NLRP14: variants seen among roughly 807,000 people sequenced by gnomAD.
NLRP14 encodes NLR family pyrin domain containing 14, also known as NACHT, LRR and PYD domains-containing protein 14.
A neutral mutation model predicts 94.7 loss-of-function variants in NLRP14; 105 were observed. The observed-to-expected ratio is 1.11, with a 90% CI of 0.95 to 1.30. The LOEUF (loss-of-function observed/expected upper bound fraction) is 1.30. Ranked by LOEUF, NLRP14 falls within the 50% of genes most tolerant of loss-of-function variation. NLRP14 has a pLI of 0.00. For synonymous variants in NLRP14, 508 were observed against 459.9 expected (o/e 1.10, Z -1.34); for missense variants, 1,362 against 1,254.1 (o/e 1.09, Z -1.30).
intron 10 of NLRP14, among the ~76,000 whole-genome samples, chr11:7,064,384 G>A (rs1852674000): frequency 6.6e-6 from 1 of 152,120 alleles, no homozygotes; most frequent in Non-Finnish European, 1.5e-5. Flanking sequence ...GTCAGCTGCA[G>A]TTGCTGCTTA....
chr11:7,074,397 C>G (rs1298243824), downstream of NLRP14, among the ~76,000 whole-genome samples: 3 of 152,196 alleles, frequency 2.0e-5, no homozygotes, highest in Non-Finnish European at 4.4e-5. Context: ...TTATAACAAA[C>G]ACAGAAAAGA....
Position 7,057,817 on chromosome 11 carries a change from G to C in NLRP14, c.2432G>C (p.Arg811Thr), listed in dbSNP as rs751716305. Residue 811 changes from arginine (R) to threonine (T), a missense_variant, in exon 7 of 12, where the codon AGA (arginine) becomes ACA (threonine). By Grantham distance (71) the Arg-to-Thr change is moderately conservative. Transcript: ENST00000299481. ...DGVQLLCEAL[R>T]HPKCYLERLS... Reference sequence around the variant, plus strand: ...GTGCAGCTTTTGTGTGAGGCCTTAAGACATCCAAAGTGTTATCTAGAGAGA... The same window carrying C: ...GTGCAGCTTTTGTGTGAGGCCTTAACACATCCAAAGTGTTATCTAGAGAGA... 2 of 1,612,468 alleles carry C rather than the reference G, an allele frequency of 1.2e-6. No individual in the cohort carries two copies. Among genetic ancestry groups the C allele is most frequent in the Non-Finnish European group, 1.7e-6 (2 of 1,178,634 alleles).
intron 3 of NLRP14, among the ~76,000 whole-genome samples, chr11:7,041,332 C>T (rs1249727473): frequency 6.6e-6 from 1 of 151,942 alleles, no homozygotes; most frequent in Non-Finnish European, 1.5e-5. Context: ...CTCACTCTTC[C>T]CACTCCCCAT....
At chr11:7,080,357 C>G in the NLRP14 span, among the ~76,000 whole-genome samples, 1 of 152,156 alleles carries the variant, frequency 6.6e-6, no homozygotes, top group African/African-American at 2.4e-5. Flanking sequence ...CTACAGTAGT[C>G]TCCTAGCCAA....
At chr11:7,040,594 C>G (rs1162974616) in intron 3 of NLRP14, among the ~76,000 whole-genome samples, 3 of 152,132 alleles carry the variant, frequency 2.0e-5, no homozygotes, top group Non-Finnish European at 2.9e-5. Context: ...CATTTCCCCA[C>G]TTTGTTTTGA....
chr11:7,078,813 T>C, the NLRP14 span, among the ~76,000 whole-genome samples: 3 of 152,096 alleles, frequency 2.0e-5, no homozygotes, highest in South Asian at 6.2e-4. Flanking sequence ...TTAAATCTTT[T>C]AAAAACAAGG....
intron 10 of NLRP14, among the ~76,000 whole-genome samples, chr11:7,063,376 G>C (rs1852656022): frequency 1.3e-5 from 2 of 151,920 alleles, no homozygotes; most frequent in African/African-American, 4.8e-5. Context: ...AGTCTCACAG[G>C]GCTGATGAAG....
intron 1 of NLRP14, among the ~76,000 whole-genome samples, chr11:7,022,433 T>G (rs911124708): frequency 6.6e-6 from 1 of 152,228 alleles, no homozygotes; most frequent in Non-Finnish European, 1.5e-5. Context: ...TGACTGTGGC[T>G]TGAAGGCATA....
intron 1 of NLRP14, among the ~76,000 whole-genome samples, chr11:7,027,168 A>G (rs1852028240): frequency 6.6e-6 from 1 of 150,992 alleles, no homozygotes; most frequent in Non-Finnish European, 1.5e-5. Context: ...TTTTCCCTCT[A>G]TACTATATCC....
At chr11:7,056,665 T>A (rs1386740556) in intron 6 of NLRP14, among the ~76,000 whole-genome samples, 4 of 151,996 alleles carry the variant, frequency 2.6e-5, no homozygotes, top group Admixed American at 1.3e-4. Flanking sequence ...TGGGATATAT[T>A]TTCTTTCATT....
At chr11:7,022,925 G>A (rs533356978) in intron 1 of NLRP14, among the ~76,000 whole-genome samples, 1 of 152,110 alleles carries the variant, frequency 6.6e-6, no homozygotes, top group South Asian at 2.1e-4. Flanking sequence ...ACAGTGTTTC[G>A]TATACAATGT....
chr11:7,039,269 C>T (rs1003960248), intron 2 of NLRP14, among the ~76,000 whole-genome samples: 20 of 152,030 alleles, frequency 1.3e-4, no homozygotes, highest in South Asian at 2.1e-4. Context: ...TATTATTGGA[C>T]GTAATCCAAG....
intron 5 of NLRP14, among the ~76,000 whole-genome samples, chr11:7,047,329 T>C (rs1589864471): frequency 1.4e-5 from 2 of 140,556 alleles, no homozygotes; most frequent in Non-Finnish European, 1.6e-5. Context: ...TTTTTTTTTT[T>C]CCTGAGACAG....
intron 10 of NLRP14, among the ~76,000 whole-genome samples, chr11:7,064,484 C>T: frequency 6.6e-6 from 1 of 151,790 alleles, no homozygotes; most frequent in African/African-American, 2.4e-5. Flanking sequence ...TCACTCTCCA[C>T]ACCTCCAGGT....
At chr11:7,075,198 T>A (rs990593082), downstream of NLRP14, among the ~76,000 whole-genome samples, 3 of 152,212 alleles carry the variant, frequency 2.0e-5, no homozygotes, top group African/African-American at 7.2e-5. Context: ...TGGGGATCCA[T>A]TCAGTCAGTT....
At chr11:7,080,114 TGAA>T in the NLRP14 span, among the ~76,000 whole-genome samples, 1 of 152,190 alleles carries the variant, frequency 6.6e-6, no homozygotes, top group African/African-American at 2.4e-5. Flanking sequence ...GCTAAACCTT[TGAA>T]GAAGAATTTC....
At chr11:7,089,578 C>T in the NLRP14 span, 9 of 1,181,446 alleles carry the variant, frequency 7.6e-6, no homozygotes, top group African/African-American at 8.2e-5. Flanking sequence ...CGTGGGCCGC[C>T]GCCGCGCAGG....
intron 7 of NLRP14, among the ~76,000 whole-genome samples, 167 bp from the exon 8 acceptor site, chr11:7,058,113 T>C (rs1446752608): frequency 6.6e-6 from 1 of 151,998 alleles, no homozygotes; most frequent in Non-Finnish European, 1.5e-5. Flanking sequence ...TGTTTCATCA[T>C]ATCCTGCATA....
Position 7,039,741 on chromosome 11 carries a change from A to T in NLRP14, c.317A>T (p.Asp106Val), listed in dbSNP as rs776642073. 6.2e-7 allele frequency: 1 copy of T among 1,614,124 alleles called. No homozygotes were observed. Among genetic ancestry groups the T allele is most frequent in the East Asian group, 2.2e-5 (1 of 44,886 alleles). ...TCGGCCCAGACTATAGGACCAGATG[A>T]TGCCAAGGCTGGAGAGACACAAGAA... is the stretch of plus-strand genomic sequence containing the variant. ...NWSAQTIGPD[D>V]AKAGETQEDQ... Residue 106 changes from aspartate to valine, a missense_variant, in exon 3 of 12, where the codon GAT (aspartate) becomes GTT (valine). Coordinates refer to ENST00000299481, the MANE Select transcript of NLRP14 (RefSeq NM_176822.4).
Sources: gnomAD v4.1 joint callset for allele counts (sites outside exome capture counted in the v4.1 genomes callset) on GRCh38, gnomAD v4.1.1 for gene constraint, MANE v1.5 for transcripts, NCBI Gene and HGNC (gene_info 2026-07-23, HGNC 2026-07-21) for gene names.